RNF123: variants seen among roughly 807,000 people sequenced by gnomAD.
The protein encoded by RNF123 is E3 ubiquitin-protein ligase RNF123.
RNF123 carries 86 observed loss-of-function variants against 168.5 expected under a neutral mutation model. The observed-to-expected ratio is 0.51, with a 90% confidence interval of 0.43 to 0.61. The LOEUF is 0.61. Among genes scored for constraint, RNF123 ranks in the 20% least tolerant of loss-of-function variants. RNF123 has a pLI of 0.00. For missense variants in RNF123, 1,419 were observed against 1,729.7 expected (o/e 0.82, Z 3.19); for synonymous variants, 666 against 689.1 (o/e 0.97, Z 0.52).
chr3:49,712,433 AC>A, intron 26 of RNF123, 45 bp from the exon 27 acceptor site: 15 of 1,601,164 alleles, frequency 9.4e-6, no homozygotes, highest in Non-Finnish European at 1.2e-5. Flanking sequence ...TGCCCCCAAG[AC>A]CCCACTGGTG....
chr3:49,701,086 G>A (rs1236072830), intron 15 of RNF123, among the ~76,000 whole-genome samples: 1 of 152,272 alleles, frequency 6.6e-6, no homozygotes. Flanking sequence ...GAGTGAGTGA[G>A]AGCATAGCTT....
At chr3:49,705,297 G>C in intron 23 of RNF123, 115 bp downstream of exon 23, 1 of 1,339,716 alleles carries the variant, frequency 7.5e-7, no homozygotes, top group Non-Finnish European at 1.0e-6. Flanking sequence ...TGGCCTGGCA[G>C]CATCCCAGGA....
chr3:49,719,420 C>A (rs755824523), intron 35 of RNF123: 2 of 1,613,596 alleles, frequency 1.2e-6, no homozygotes, highest in East Asian at 2.2e-5. Context: ...CCTAACCCAA[C>A]GCGCAGCATG....
chr3:49,718,590 C>A, intron 35 of RNF123: 1 of 1,613,040 alleles, frequency 6.2e-7, no homozygotes, highest in Admixed American at 1.7e-5. Context: ...GGGACCGACC[C>A]ACCAGCGCGT....
intron 34 of RNF123, 107 bp from the exon 35 acceptor site, chr3:49,716,286 C>T: frequency 7.1e-6 from 11 of 1,540,518 alleles, no homozygotes; most frequent in Non-Finnish European, 9.8e-6. Context: ...AGACTTGGTG[C>T]TCTGCAGTCT....
At position 49,713,835 on chromosome 3, in the gene RNF123, GC is replaced by G; in HGVS notation, c.2837+12del. 1 of 1,613,172 alleles carries G rather than the reference GC, an allele frequency of 6.2e-7. No individual in the cohort carries two copies. Among genetic ancestry groups the G allele is most frequent in the Non-Finnish European group, 8.5e-7 (1 of 1,179,818 alleles). ...GAATCCCCGAGGAGCAGTGAGTGGG[GC>G]CTGGGGGGCACACACCCTGGCCACA... On this transcript the variant is annotated intron_variant, in intron 29 of 38. Coordinates refer to ENST00000327697, the MANE Select transcript of RNF123 (RefSeq NM_022064.5).
intron 20 of RNF123, 38 bp downstream of exon 20, chr3:49,702,791 C>G: frequency 6.2e-7 from 1 of 1,613,422 alleles, no homozygotes; most frequent in Non-Finnish European, 8.5e-7. Context: ...TGAGGCTGGA[C>G]AGAGCCAGGC....
chr3:49,718,214 G>A (rs755181749), intron 35 of RNF123: 3 of 1,610,636 alleles, frequency 1.9e-6, no homozygotes, highest in Non-Finnish European at 1.7e-6. Flanking sequence ...TGGGGCCAGC[G>A]GCGGCAGCGG....
intron 17 of RNF123, 27 bp from the exon 18 acceptor site, chr3:49,702,056 G>A (rs777500027): frequency 3.7e-6 from 6 of 1,611,810 alleles, no homozygotes; most frequent in Non-Finnish European, 8.5e-7. Context: ...TGGAGCCTGA[G>A]GGCCATGTTC....
chr3:49,696,349 CTT>C (rs751323081), intron 3 of RNF123, among the ~76,000 whole-genome samples: 23 of 137,954 alleles, frequency 1.7e-4, no homozygotes, highest in Admixed American at 4.5e-4. Context: ...GAGAGGGCTA[CTT>C]TTTTTTTTTT....
chr3:49,718,499 C>G, intron 35 of RNF123: 1 of 1,613,148 alleles, frequency 6.2e-7, no homozygotes, highest in Non-Finnish European at 8.5e-7. Context: ...TCGCGGGATC[C>G]TGGCGCCCTG....
intron 24 of RNF123, 106 bp downstream of exon 24, chr3:49,705,785 G>A (rs928451651): frequency 3.2e-6 from 5 of 1,541,386 alleles, no homozygotes; most frequent in South Asian, 1.2e-5. Flanking sequence ...GTTCAAGACC[G>A]TGCATGGGAG....
intron 31 of RNF123, chr3:49,715,343 A>G: frequency 1.7e-6 from 1 of 583,438 alleles, no homozygotes; most frequent in Non-Finnish European, 3.0e-6. Flanking sequence ...GTGTGGTGTC[A>G]GGGCTGGACA....
rs1016522583 is a variant in RNF123 at position 49,705,739 on chromosome 3, G to A, written c.2304+60G>A. On this transcript the variant is annotated intron_variant, in intron 24 of 38. Coordinates refer to ENST00000327697, the MANE Select transcript of RNF123 (RefSeq NM_022064.5). ...GTGTTGTGCGTGTTTGGTTGTGTGT[G>A]TATTCCTGTGTGCACATGGGCCCGC... 149 of 1,607,700 alleles carry A rather than the reference G, an allele frequency of 9.3e-5. No individual in the cohort carries two copies. In the South Asian group the frequency reaches 1.5e-3, roughly 17 times the overall value.
Position 49,702,700 on chromosome 3 carries a change from G to A in RNF123, c.1697G>A (p.Arg566His), listed in dbSNP as rs530934847. Residue 566 changes from arginine to histidine, a missense_variant, in exon 20 of 39, where the codon CGC becomes CAC. Around this residue, in one of 5 missense-constraint regions of RNF123, gnomAD observed 349 missense variants for 344.9 expected, o/e 1.01. Coordinates refer to ENST00000327697, the MANE Select transcript of RNF123 (RefSeq NM_022064.5). ...CFLHRLISAL[R>H]YYWDEYKASN... ...TTACACCGGCTGATCTCTGCCCTGCGCTACTATTGGGATGAATACAAGGCT... is the reference window on the plus strand; with the variant it reads ...TTACACCGGCTGATCTCTGCCCTGCACTACTATTGGGATGAATACAAGGCT... The A allele has an allele frequency of 7.1e-5, 114 of 1,614,218 alleles. 1 individual carries two copies. In the Middle Eastern group the frequency reaches 1.6e-3, roughly 23 times the overall value.
rs1161267811 is a variant in RNF123, at chr3:49,698,427, A to C, written c.484-13A>C. ...CTGCCTCACCAGGGACCTCATAGGCATTTCCTCCCTAGGAGGGGGTTGGAG... is the reference window on the plus strand; with the variant it reads ...CTGCCTCACCAGGGACCTCATAGGCCTTTCCTCCCTAGGAGGGGGTTGGAG... On this transcript the variant is annotated splice_polypyrimidine_tract_variant and intron_variant, in intron 7 of 38. Transcript: ENST00000327697. The C allele has an allele frequency of 2.5e-6, 4 of 1,612,584 alleles. No individual in the cohort carries two copies. Among genetic ancestry groups the C allele is most frequent in the Admixed American group, 1.7e-5 (1 of 59,988 alleles).
chr3:49,718,079 C>T, intron 35 of RNF123: 6 of 1,613,596 alleles, frequency 3.7e-6, no homozygotes, highest in Non-Finnish European at 5.1e-6. Flanking sequence ...CCATTGAGGC[C>T]CCTCCGGCCT....
At position 49,721,194 on chromosome 3, in the gene RNF123, C is replaced by T; in HGVS notation, c.3834C>T (p.Ile1278=). Residue 1278 remains isoleucine (I), a synonymous_variant, in exon 39 of 39, where the codon ATC becomes ATT. Coordinates refer to ENST00000327697, the MANE Select transcript of RNF123 (RefSeq NM_022064.5). ...PCGHKSCKAC[I]NQHLMNNKDC... is the part of the protein sequence containing the mutation. Reference sequence around the variant, plus strand: ...CCCTCCCCTGTTGTAGAGCCTGTATCAACCAGCACCTGATGAACAACAAGG... The same window carrying T: ...CCCTCCCCTGTTGTAGAGCCTGTATTAACCAGCACCTGATGAACAACAAGG... 1 of 1,614,226 alleles carries T rather than the reference C, an allele frequency of 6.2e-7. No individual in the cohort carries two copies.
chr3:49,702,253 G>A lies in RNF123; in HGVS notation c.1558-81G>A, dbSNP rs372801805. 2.5e-6 allele frequency: 4 copies of A among 1,589,588 alleles called. No individual in the cohort carries two copies. The East Asian group carries it at 8.9e-5, about 36-fold the overall frequency. ...GGTTTGGTTCCCATGGCAGGGGCTG[G>A]GGGAAGGTGCAGCACTGAGCCAGCC... On this transcript the variant is annotated intron_variant, in intron 18 of 38. Transcript: ENST00000327697.
Sources: gnomAD v4.1 joint callset for allele counts (sites outside exome capture counted in the v4.1 genomes callset) on GRCh38, gnomAD v4.1.1 for gene constraint, gnomAD v4.1.1 regional missense constraint, MANE v1.5 for transcripts, NCBI Gene and HGNC (gene_info 2026-07-23, HGNC 2026-07-21) for gene names.